Variants in GTF2A1L observed in about 807,000 individuals in gnomAD.
GTF2A1L encodes the protein general transcription factor IIA subunit 1 like.
Under a neutral mutation model 49.7 loss-of-function variants are expected in GTF2A1L, and 48 were observed. The ratio of observed to expected loss-of-function variants is 0.97; its 90% confidence interval spans 0.77 to 1.23. The LOEUF is 1.23. Among genes scored for constraint, GTF2A1L ranks in the 50% most tolerant of loss-of-function variants. The pLI, the probability that GTF2A1L is intolerant of heterozygous loss-of-function variation, is 0.00. For missense variants in GTF2A1L, 736 were observed against 564.8 expected (o/e 1.30, Z -3.07); for synonymous variants, 246 against 193.5 (o/e 1.27, Z -2.25).
Position 48,617,910 on chromosome 2 carries a change from A to G in GTF2A1L, c.21+15A>G. 6.4e-7 allele frequency: 1 copy of G among 1,551,760 alleles called. No individual in the cohort carries two copies. The highest frequency in any genetic ancestry group is 8.7e-7 in the Non-Finnish European group (1 of 1,146,978). On this transcript the variant is annotated intron_variant, in intron 1 of 8. Coordinates refer to ENST00000403751, the MANE Select transcript of GTF2A1L (RefSeq NM_006872.5). Reference sequence around the variant, plus strand: ...TCAACCCGGTGGTAAGGAAGACCTCAGGCTCTGTGTAGAGGGAGCGCCCTG... The same window carrying G: ...TCAACCCGGTGGTAAGGAAGACCTCGGGCTCTGTGTAGAGGGAGCGCCCTG...
chr2:48,665,097 T>C (rs997422773), intron 6 of GTF2A1L, among the ~76,000 whole-genome samples: 1 of 152,004 alleles, frequency 6.6e-6, no homozygotes, highest in Non-Finnish European at 1.5e-5. Flanking sequence ...AATTTTTGTA[T>C]TTTTAGTAGA....
intron 3 of GTF2A1L, among the ~76,000 whole-genome samples, chr2:48,624,086 C>T (rs1030642082): frequency 1.9e-5 from 2 of 104,656 alleles, no homozygotes; most frequent in African/African-American, 2.9e-5. Context: ...ATCATATGTT[C>T]TTCGTTTTTT....
intron 6 of GTF2A1L, among the ~76,000 whole-genome samples, chr2:48,656,092 C>T (rs1369527409): frequency 2.6e-5 from 4 of 152,130 alleles, no homozygotes; most frequent in African/African-American, 9.7e-5. Flanking sequence ...TCTGTGGATA[C>T]TTGGGTTGCT....
At chr2:48,664,298 C>A (rs6760849) in intron 6 of GTF2A1L, among the ~76,000 whole-genome samples, 40,536 of 151,102 alleles carry the variant, frequency 0.27, 6,177 homozygotes, top group African/African-American at 0.41. Flanking sequence ...CAGATGGAAA[C>A]AGTTTTCTTT....
chr2:48,639,703 A>T (rs1302423821), intron 3 of GTF2A1L, among the ~76,000 whole-genome samples: 1 of 152,254 alleles, frequency 6.6e-6, no homozygotes, highest in Non-Finnish European at 1.5e-5. Context: ...TACAAGTGAG[A>T]TCTAATTAAA....
intron 3 of GTF2A1L, among the ~76,000 whole-genome samples, chr2:48,641,405 G>C (rs1677190095): frequency 6.6e-6 from 1 of 152,182 alleles, no homozygotes; most frequent in South Asian, 2.1e-4. Context: ...TTGCTTTTAT[G>C]AGTTGTTTGT....
At chr2:48,646,405 G>T in intron 5 of GTF2A1L, 48 bp from the exon 6 acceptor site, 1 of 1,399,698 alleles carries the variant, frequency 7.1e-7, no homozygotes, top group South Asian at 1.9e-5. Context: ...GTTGTCAAAG[G>T]AAATTTTAAT....
chr2:48,639,562 A>C (rs1280663557), intron 3 of GTF2A1L, among the ~76,000 whole-genome samples: 1 of 152,176 alleles, frequency 6.6e-6, no homozygotes, highest in Non-Finnish European at 1.5e-5. Flanking sequence ...GATGGATTAA[A>C]GACTTAAATA....
chr2:48,621,092 A>C, intron 2 of GTF2A1L, 75 bp from the exon 3 acceptor site: 1 of 1,530,932 alleles, frequency 6.5e-7, no homozygotes, highest in African/African-American at 1.4e-5. Context: ...AGTTTTTAAG[A>C]AACTGAAAAA....
intron 3 of GTF2A1L, among the ~76,000 whole-genome samples, chr2:48,631,855 T>C (rs1453898573): frequency 6.6e-6 from 1 of 152,204 alleles, no homozygotes; most frequent in African/African-American, 2.4e-5. Flanking sequence ...TGGTATGTTG[T>C]GTCTGTGTTT....
chr2:48,629,702 G>A (rs1676473412), intron 3 of GTF2A1L, among the ~76,000 whole-genome samples: 1 of 144,304 alleles, frequency 6.9e-6, no homozygotes, highest in South Asian at 2.4e-4. Flanking sequence ...TTGCTTCAAG[G>A]TTAGGTCTTG....
intron 8 of GTF2A1L, among the ~76,000 whole-genome samples, chr2:48,676,883 G>A (rs191633294): frequency 5.4e-5 from 8 of 148,088 alleles, no homozygotes; most frequent in Non-Finnish European, 1.0e-4. Context: ...TTCATTTGGT[G>A]TTTGTCTTGG....
intron 1 of GTF2A1L, 48 bp downstream of exon 1, chr2:48,617,943 G>T (rs765335735): frequency 1.3e-6 from 2 of 1,540,192 alleles, no homozygotes; most frequent in South Asian, 2.4e-5. Context: ...CTGGGACTCC[G>T]GGTTCACGGC....
chr2:48,652,341 C>T (rs1677895180), intron 6 of GTF2A1L, among the ~76,000 whole-genome samples: 1 of 152,090 alleles, frequency 6.6e-6, no homozygotes, highest in Admixed American at 6.5e-5. Flanking sequence ...CCAGGCCGGG[C>T]ATGGTGGCTG....
At chr2:48,678,310 G>A (rs1163828895) in intron 8 of GTF2A1L, among the ~76,000 whole-genome samples, 2 of 151,892 alleles carry the variant, frequency 1.3e-5, no homozygotes, top group East Asian at 1.9e-4. Context: ...ATTCCCGAGA[G>A]ATTTTTAAGA....
chr2:48,663,049 C>T (rs1678609304), intron 6 of GTF2A1L, among the ~76,000 whole-genome samples: 1 of 151,932 alleles, frequency 6.6e-6, no homozygotes, highest in Non-Finnish European at 1.5e-5. Context: ...TGTACATATA[C>T]CCCTGAACTT....
chr2:48,671,033 G>T (rs1217958602), intron 7 of GTF2A1L, among the ~76,000 whole-genome samples: 2 of 152,060 alleles, frequency 1.3e-5, no homozygotes, highest in Admixed American at 1.3e-4. Flanking sequence ...TGCTGGCCAA[G>T]CTGGTCTCGA....
Position 48,628,032 on chromosome 2 carries a change from C to T in GTF2A1L, c.247+6742C>T, listed in dbSNP as rs1391629230. On this transcript the variant is annotated intron_variant, in intron 3 of 8. Coordinates refer to ENST00000403751, the MANE Select transcript of GTF2A1L (RefSeq NM_006872.5). ...TAGGATACCAGCCTCCAGCAGCATT[C>T]GTGTTGCTGCAAAGGACATGATTTC... Among the ~76,000 whole-genome samples, 3 of 143,932 alleles carry T rather than the reference C, an allele frequency of 2.1e-5. 1 individual carries two copies. Among genetic ancestry groups the T allele is most frequent in the Non-Finnish European group, 4.7e-5 (3 of 63,948 alleles). The allele number at this position is 143,932 out of a possible 152,430, so 94.4% of individuals were successfully genotyped here. A position where few individuals can be genotyped will look rare whatever the true frequency, so the allele number is the denominator to read the frequency against.
intron 3 of GTF2A1L, chr2:48,633,297 G>T (rs1240985084): frequency 6.7e-6 from 1 of 149,164 alleles, no homozygotes; most frequent in Non-Finnish European, 1.4e-5. Context: ...CAATCTCCCA[G>T]ATATTGTAAA....
Sources: allele counts gnomAD v4.1 joint callset (sites outside exome capture counted in the v4.1 genomes callset), GRCh38; gene constraint gnomAD v4.1.1; transcripts MANE v1.5; gene names NCBI Gene and HGNC (gene_info 2026-07-23, HGNC 2026-07-21).